The following SLC7A1 variants were observed in gnomAD, a reference collection of about 807,000 sequenced individuals.
SLC7A1 encodes the protein solute carrier family 7 member 1, also known as high affinity cationic amino acid transporter 1.
In SLC7A1, 10 loss-of-function variants were observed where a neutral mutation model predicts 53.9. The ratio of observed to expected loss-of-function variants is 0.19; its 90% CI spans 0.11 to 0.31. SLC7A1 has a LOEUF of 0.31. Among genes scored for constraint, SLC7A1 ranks in the 10% least tolerant of loss-of-function variants. The pLI is 1.00. For missense variants in SLC7A1, 525 were observed against 827.2 expected (o/e 0.63, Z 4.48); for synonymous variants, 342 against 338.7 (o/e 1.01, Z -0.11).
At chr13:29,592,108 T>C (rs926088970) in intron 1 of SLC7A1, among the ~76,000 whole-genome samples, 11 of 152,102 alleles carry the variant, frequency 7.2e-5, no homozygotes, top group African/African-American at 2.7e-4. Context: ...CCAGTATTGG[T>C]CCCAACTCCC....
In SLC7A1 at chr13:29,557,148, G is replaced by T. The variant is rs563872561; in HGVS notation, c.-114-3288C>A. Among the ~76,000 whole-genome samples the T allele has an allele frequency of 4.6e-5, 7 of 152,304 alleles. No individual in the cohort carries two copies. In the South Asian group the frequency reaches 1.4e-3, roughly 32 times the overall value. ...ATTCCTTTGTTAAAAGCAGAGTAAT[G>T]CAATGCTACGCCTCAGACGTAAAGA... is the stretch of plus-strand genomic sequence containing the variant. On this transcript the variant is annotated intron_variant, in intron 1 of 12. Coordinates refer to ENST00000380752, the MANE Select transcript of SLC7A1 (RefSeq NM_003045.5).
chr13:29,537,275 C>T (rs544436102), intron 2 of SLC7A1, among the ~76,000 whole-genome samples: 6 of 152,334 alleles, frequency 3.9e-5, no homozygotes, highest in East Asian at 3.9e-4. Context: ...GTTGGCAGAG[C>T]GATGTGATGA....
intron 1 of SLC7A1, among the ~76,000 whole-genome samples, chr13:29,592,293 T>A (rs1203121169): frequency 6.6e-6 from 1 of 152,098 alleles, no homozygotes; most frequent in Admixed American, 6.5e-5. Context: ...AAAAGCCCAA[T>A]GAAAGCCACT....
chr13:29,580,944 C>T (rs575072164), intron 1 of SLC7A1, among the ~76,000 whole-genome samples: 1 of 151,820 alleles, frequency 6.6e-6, no homozygotes, highest in Non-Finnish European at 1.5e-5. Context: ...CTGAACCCCA[C>T]ATTCCCACCA....
chr13:29,533,081 C>T (rs1044876054), intron 3 of SLC7A1, 99 bp from the exon 4 acceptor site: 8 of 1,201,674 alleles, frequency 6.7e-6, no homozygotes, highest in Admixed American at 2.7e-5. Flanking sequence ...CAGGAGTCAC[C>T]GACGGTGCAC....
At chr13:29,559,870 C>T (rs542437384) in intron 1 of SLC7A1, among the ~76,000 whole-genome samples, 97 of 152,100 alleles carry the variant, frequency 6.4e-4, no homozygotes, top group Middle Eastern at 3.4e-3. Flanking sequence ...CGCCCGCCAC[C>T]GCGCCCGGAT....
In SLC7A1 at chr13:29,530,567, C is replaced by T; in HGVS notation, c.675G>A (p.Gly225=). ...TCAAACAGAGACGGCCTGATGTGTT[C>T]CCAAAATCCTCCTCCGTGAGCTGCC... The part of the protein sequence containing the change: ...KNWQLTEEDF[G]NTSGRLCLNN... The change falls in exon 5 of 13, where the codon GGG becomes GGA. Residue 225 remains glycine (G), a synonymous_variant. Transcript: ENST00000380752. The T allele has an allele frequency of 6.2e-7, 1 of 1,614,108 alleles. No individual in the cohort carries two copies. The highest frequency in any genetic ancestry group is 8.5e-7 in the Non-Finnish European group (1 of 1,180,022).
chr13:29,518,377 A>G (rs1419521345), intron 9 of SLC7A1, among the ~76,000 whole-genome samples: 1 of 152,234 alleles, frequency 6.6e-6, no homozygotes, highest in Non-Finnish European at 1.5e-5. Flanking sequence ...CTAGTGGAGC[A>G]TCCATTCTGA....
intron 2 of SLC7A1, among the ~76,000 whole-genome samples, chr13:29,551,823 T>G (rs1409562346): frequency 6.6e-6 from 1 of 152,132 alleles, no homozygotes; most frequent in Non-Finnish European, 1.5e-5. Flanking sequence ...GTCCTCCCAC[T>G]TCCCTGCTGG....
intron 3 of SLC7A1, among the ~76,000 whole-genome samples, chr13:29,535,482 G>A (rs1395346678): frequency 2.0e-5 from 3 of 152,156 alleles, no homozygotes; most frequent in Non-Finnish European, 4.4e-5. Flanking sequence ...ACAATGCCCA[G>A]CCCAGAGCAG....
rs768809070 is a variant in SLC7A1 at position 29,519,461 on chromosome 13, A to G, written c.1278T>C (p.Cys426=). 6 of 1,610,910 alleles carry G rather than the reference A, an allele frequency of 3.7e-6. No homozygotes were observed. The African/African-American group carries it at 8.0e-5, about 22-fold the overall frequency. The change falls in exon 9 of 13, where the codon TGT becomes TGC. Residue 426 remains cysteine (C), a synonymous_variant. Coordinates refer to ENST00000380752, the MANE Select transcript of SLC7A1 (RefSeq NM_003045.5). ...GCCATACATACCGTAAGACCAACAC[A>G]CAGGCAGCCACCAACGAGTAAGCCA... ...TLLAYSLVAA[C]VLVLRYQPEQ... is the part of the protein sequence containing the mutation.
At chr13:29,574,091 T>A (rs1233575066) in intron 1 of SLC7A1, among the ~76,000 whole-genome samples, 1 of 151,968 alleles carries the variant, frequency 6.6e-6, no homozygotes. Flanking sequence ...CCACAGGGGG[T>A]GAGGACTGAG....
chr13:29,519,918 G>A (rs1256723690), intron 8 of SLC7A1, among the ~76,000 whole-genome samples: 2 of 152,124 alleles, frequency 1.3e-5, no homozygotes, highest in African/African-American at 4.8e-5. Flanking sequence ...ATAAGGATGT[G>A]AACTGGGTTC....
intron 1 of SLC7A1, among the ~76,000 whole-genome samples, chr13:29,568,804 C>A (rs1566272524): frequency 1.3e-5 from 2 of 152,130 alleles, no homozygotes; most frequent in African/African-American, 4.8e-5. Flanking sequence ...GCTACCTGGC[C>A]CTGTAGACCA....
intron 2 of SLC7A1, among the ~76,000 whole-genome samples, chr13:29,539,670 G>A (rs1869580846): frequency 6.6e-6 from 1 of 152,178 alleles, no homozygotes; most frequent in Non-Finnish European, 1.5e-5. Context: ...CCCACACCAA[G>A]CCCAGGGAAG....
At chr13:29,589,470 G>A (rs963240253) in intron 1 of SLC7A1, among the ~76,000 whole-genome samples, 1 of 152,228 alleles carries the variant, frequency 6.6e-6, no homozygotes, top group Non-Finnish European at 1.5e-5. Flanking sequence ...CCCAGCCTCC[G>A]TCACACACAC....
intron 1 of SLC7A1, among the ~76,000 whole-genome samples, chr13:29,590,202 C>A (rs551625356): frequency 1.3e-5 from 2 of 152,212 alleles, no homozygotes; most frequent in African/African-American, 2.4e-5. Context: ...TGGAGACATC[C>A]TATCCTACAG....
intron 1 of SLC7A1, among the ~76,000 whole-genome samples, chr13:29,593,799 A>ACAGGAG (rs1326148669): frequency 6.6e-6 from 1 of 152,052 alleles, no homozygotes; most frequent in Non-Finnish European, 1.5e-5. Flanking sequence ...AATCATATGT[A>ACAGGAG]CAGGAGCACG....
intron 2 of SLC7A1, among the ~76,000 whole-genome samples, chr13:29,550,660 G>GCCAACAACC (rs1870137617): frequency 6.6e-6 from 1 of 152,198 alleles, no homozygotes; most frequent in Admixed American, 6.5e-5. Flanking sequence ...CTGAGGGAAT[G>GCCAACAACC]TGGAAGAGGA....
Sources: allele counts gnomAD v4.1 joint callset (sites outside exome capture counted in the v4.1 genomes callset), GRCh38; gene constraint gnomAD v4.1.1; transcripts MANE v1.5; gene names NCBI Gene and HGNC (gene_info 2026-07-23, HGNC 2026-07-21).